CPLANE1: variants seen among roughly 807,000 people sequenced by gnomAD.
CPLANE1 encodes ciliogenesis and planar polarity effector complex subunit 1.
In CPLANE1, 263 loss-of-function variants were observed where a neutral mutation model predicts 362.5. The observed-to-expected ratio is 0.73, with a 90% CI of 0.66 to 0.80. The LOEUF (loss-of-function observed/expected upper bound fraction) is 0.80. Ranked by LOEUF, CPLANE1 falls within the 30% of genes least tolerant of loss-of-function variation. The pLI is 0.00. For synonymous variants in CPLANE1, 1,212 were observed against 1,302.6 expected, an observed-to-expected ratio of 0.93 and a Z score of 1.50; for missense variants, 3,461 against 3,793.4, an observed-to-expected ratio of 0.91 and a Z score of 2.30.
chr5:37,212,493 T>C (rs1268537085), intron 16 of CPLANE1: 4 of 523,790 alleles, frequency 7.6e-6, no homozygotes, highest in African/African-American at 2.0e-5. Context: ...AAATGTGTAA[T>C]CCAAAAAAAA....
chr5:37,179,242 G>A, intron 29 of CPLANE1, 119 bp downstream of exon 29: 1 of 678,130 alleles, frequency 1.5e-6, no homozygotes, highest in East Asian at 2.8e-5. Flanking sequence ...AACCCATGGT[G>A]CATTTTTAAG....
chr5:37,192,994 C>T (rs1415977606), intron 21 of CPLANE1, among the ~76,000 whole-genome samples: 1 of 151,758 alleles, frequency 6.6e-6, no homozygotes, highest in African/African-American at 2.4e-5. Flanking sequence ...CGGTGAAACC[C>T]CGCCCTACTA....
the CPLANE1 span, among the ~76,000 whole-genome samples, chr5:37,088,167 C>T: frequency 1.3e-5 from 2 of 152,184 alleles, no homozygotes; most frequent in African/African-American, 4.8e-5. Context: ...GCCTCAAGAG[C>T]CATTTGTTGA....
intron 21 of CPLANE1, among the ~76,000 whole-genome samples, chr5:37,195,146 C>T (rs1023361391): frequency 4.9e-5 from 7 of 142,922 alleles, no homozygotes; most frequent in Non-Finnish European, 9.1e-5. Context: ...CAGAGCAAGA[C>T]TCCATCTCAA....
At chr5:37,115,440 C>G (rs910779473) in intron 50 of CPLANE1, among the ~76,000 whole-genome samples, 1 of 152,036 alleles carries the variant, frequency 6.6e-6, no homozygotes, top group Non-Finnish European at 1.5e-5. Flanking sequence ...AGATTAATAA[C>G]AACCATTTAC....
downstream of CPLANE1, among the ~76,000 whole-genome samples, chr5:37,104,471 G>A (rs1233099962): frequency 5.9e-5 from 9 of 151,700 alleles, no homozygotes; most frequent in Non-Finnish European, 1.2e-4. Flanking sequence ...ATGATGGCAC[G>A]TGCCTTTAGT....
the CPLANE1 span, among the ~76,000 whole-genome samples, chr5:37,091,229 A>G: frequency 1.3e-5 from 2 of 152,220 alleles, no homozygotes; most frequent in African/African-American, 4.8e-5. Flanking sequence ...TGGAAAACTT[A>G]GATATGTACA....
At position 37,107,182 on chromosome 5, in the gene CPLANE1, G is replaced by A. The variant is rs1001029453; in HGVS notation, c.*420C>T. 29 of 985,958 alleles carry A rather than the reference G, an allele frequency of 2.9e-5. No homozygotes were observed. In the Admixed American group the frequency reaches 5.5e-4, roughly 19 times the overall value. 61.1% of individuals were successfully genotyped at this position (985,958 alleles called of 1,614,324 possible). A position where few individuals can be genotyped will look rare whatever the true frequency, so the allele number is the denominator to read the frequency against. ...AGGGTTCATAATTGAGTTCTCAGGT[G>A]AGACTGATTTTCTTCTCAATGAAAA... On this transcript the variant is annotated 3_prime_UTR_variant, in exon 53 of 53. Coordinates refer to ENST00000651892, the MANE Select transcript of CPLANE1 (RefSeq NM_001384732.1).
Position 37,134,114 on chromosome 5 carries a change from G to A in CPLANE1, c.8792+4606C>T, listed in dbSNP as rs527561646. 4.6e-5 allele frequency among the ~76,000 whole-genome samples: 7 copies of A among 152,156 alleles called. No individual in the cohort carries two copies. In the East Asian group the frequency reaches 1.4e-3, roughly 29 times the overall value. On this transcript the variant is annotated intron_variant, in intron 46 of 52. Coordinates refer to ENST00000651892, the MANE Select transcript of CPLANE1 (RefSeq NM_001384732.1). ...GCCTGTAGCTTTATTTTTTCCTTGG[G>A]TCTTCGCCAGGTTTTGGTATCAGGG...
rs377342410 is a variant in CPLANE1 at position 37,169,114 on chromosome 5, C to T, written c.6910G>A (p.Ala2304Thr). ...RKKEVEQKTW[A>T]ETVITEIPNH... ...GGAATTTCTGTAATTACAGTTTCTG[C>T]CCACGTCTTCTGCTCAACTTCTTTT... is the stretch of plus-strand genomic sequence containing the variant. The change falls in exon 34 of 53, where the codon GCA becomes ACA. Residue 2304 changes from alanine (A) to threonine (T), a missense_variant. Around this residue, in one of 2 missense-constraint regions of CPLANE1, gnomAD observed 3,380 missense variants for 3,666.1 expected, o/e 0.92. Coordinates refer to ENST00000651892, the MANE Select transcript of CPLANE1 (RefSeq NM_001384732.1). 1 of 1,614,132 alleles carries T rather than the reference C, an allele frequency of 6.2e-7. No individual in the cohort carries two copies. The highest frequency in any genetic ancestry group is 8.5e-7 in the Non-Finnish European group (1 of 1,180,016).
chr5:37,118,511 G>A (rs151231812), intron 50 of CPLANE1, among the ~76,000 whole-genome samples: 2 of 152,072 alleles, frequency 1.3e-5, no homozygotes, highest in African/African-American at 4.8e-5. Context: ...ATACTGAAGT[G>A]TTGGTTCTAT....
intron 51 of CPLANE1, 57 bp downstream of exon 51, chr5:37,114,903 A>C (rs1428837439): frequency 2.9e-5 from 34 of 1,154,106 alleles, no homozygotes; most frequent in Non-Finnish European, 4.1e-5. Flanking sequence ...TGTCTCAAAA[A>C]AAAAAAAAAG....
At chr5:37,101,287 A>C (rs1322686035), downstream of CPLANE1, among the ~76,000 whole-genome samples, 2 of 152,082 alleles carry the variant, frequency 1.3e-5, no homozygotes. Flanking sequence ...TTCCTTCAAT[A>C]CCTAGTTTAT....
chr5:37,092,097 A>G, the CPLANE1 span, among the ~76,000 whole-genome samples: 5 of 152,068 alleles, frequency 3.3e-5, no homozygotes, highest in African/African-American at 7.2e-5. Flanking sequence ...GCTACACTCT[A>G]CTGGCTCTTA....
chr5:37,170,446 G>C, intron 32 of CPLANE1, 115 bp from the exon 33 acceptor site: 1 of 1,114,490 alleles, frequency 9.0e-7, no homozygotes, highest in Non-Finnish European at 1.3e-6. Context: ...TAATATCTAT[G>C]AGAATCATGA....
At chr5:37,129,519 C>T (rs773914761) in intron 46 of CPLANE1, among the ~76,000 whole-genome samples, 2 of 152,002 alleles carry the variant, frequency 1.3e-5, no homozygotes, top group East Asian at 3.9e-4. Flanking sequence ...GAACTAATAT[C>T]CAGAATATAC....
intron 16 of CPLANE1, chr5:37,212,022 C>T: frequency 1.0e-6 from 1 of 976,862 alleles, no homozygotes; most frequent in Non-Finnish European, 1.7e-6. Flanking sequence ...ATGGGAACAG[C>T]AAGTGAAAGA....
Position 37,201,596 on chromosome 5 carries a change from T to A in CPLANE1, c.3502A>T (p.Ser1168Cys). 6.2e-7 allele frequency: 1 copy of A among 1,612,402 alleles called. No individual in the cohort carries two copies. Among genetic ancestry groups the A allele is most frequent in the East Asian group, 2.2e-5 (1 of 44,872 alleles). ...PLYCPQPAIL[S>C]EEDGDDLLLK... ...AGTTAATGCTATAAGCTTACTTCAC[T>A]AAGAATAGCTGGCTGGGGACAGTAC... The change falls in exon 19 of 53, where the codon AGT (serine) becomes TGT (cysteine). Residue 1168 changes from serine (S) to cysteine (C), a missense_variant. Coordinates refer to ENST00000651892, the MANE Select transcript of CPLANE1 (RefSeq NM_001384732.1).
chr5:37,240,914 A>G (rs141001081), intron 6 of CPLANE1, among the ~76,000 whole-genome samples: 311 of 152,274 alleles, frequency 2.0e-3, no homozygotes, highest in Non-Finnish European at 2.2e-3. Flanking sequence ...AAAGGAATTT[A>G]AAAAGTAGGT....
Sources: gnomAD v4.1 joint callset for allele counts (sites outside exome capture counted in the v4.1 genomes callset) on GRCh38, gnomAD v4.1.1 for gene constraint, gnomAD v4.1.1 regional missense constraint, MANE v1.5 for transcripts, NCBI Gene and HGNC (gene_info 2026-07-23, HGNC 2026-07-21) for gene names.